The following SAMD12 variants were observed in gnomAD, a reference collection of about 807,000 sequenced individuals.
The protein encoded by SAMD12 is sterile alpha motif domain containing 12.
SAMD12 carries 9 observed loss-of-function variants against 15.0 expected under a neutral mutation model. The ratio of observed to expected loss-of-function variants is 0.60; its 90% CI spans 0.36 to 1.05. The LOEUF is 1.05. Ranked by LOEUF, SAMD12 falls within the 50% of genes least tolerant of loss-of-function variation. The pLI is 0.01. For synonymous variants in SAMD12, 86 were observed against 90.1 expected (o/e 0.96, Z 0.25); for missense variants, 230 against 234.2 (o/e 0.98, Z 0.12).
At chr8:118,468,420 T>C (rs1403642237) in intron 2 of SAMD12, among the ~76,000 whole-genome samples, 1 of 152,160 alleles carries the variant, frequency 6.6e-6, no homozygotes, top group Admixed American at 6.5e-5. Flanking sequence ...ACCCTGCTAT[T>C]ATTGCCATTG....
At chr8:118,285,314 C>T (rs1813921200) in intron 4 of SAMD12, among the ~76,000 whole-genome samples, 1 of 151,956 alleles carries the variant, frequency 6.6e-6, no homozygotes, top group African/African-American at 2.4e-5. Context: ...CCAATAGTCC[C>T]TATGTTATAG....
At chr8:118,163,309 G>A in the SAMD12 span, among the ~76,000 whole-genome samples, 620 of 152,162 alleles carry the variant, frequency 4.1e-3, 4 homozygotes, top group African/African-American at 0.014. Flanking sequence ...CAAAATCCTG[G>A]GCTCAAGCAA....
In SAMD12 at chr8:118,366,886, A is replaced by AAATAAAATAAAATAAAAT. The variant is rs1818823742; in HGVS notation, c.433+12656_433+12673dup. Among the ~76,000 whole-genome samples, 16 of 39,616 alleles carry AAATAAAATAAAATAAAAT rather than the reference A, an allele frequency of 4.0e-4. No individual in the cohort carries two copies. In the South Asian group the frequency reaches 4.4e-3, roughly 11 times the overall value. 26.0% of individuals were successfully genotyped at this position (39,616 alleles called of 152,430 possible). On this transcript the variant is annotated intron_variant, in intron 4 of 4. Coordinates refer to the SAMD12 transcript ENST00000409003. ...TAAAATAAAATAAAATAAAATAATA[A>AAATAAAATAAAATAAAAT]AATAAAATAAAATAAAATAAAATAA...
At chr8:118,435,016 T>C (rs1822537357) in intron 3 of SAMD12, among the ~76,000 whole-genome samples, 1 of 33,762 alleles carries the variant, frequency 3.0e-5, no homozygotes, top group Non-Finnish European at 8.5e-5. Flanking sequence ...GGCAGGAGAA[T>C]GGCGTGAACC....
At chr8:118,301,190 A>G (rs60268410) in intron 4 of SAMD12, among the ~76,000 whole-genome samples, 9,118 of 152,270 alleles carry the variant, frequency 0.06, 815 homozygotes, top group African/African-American at 0.19. Context: ...TTGAAAATGC[A>G]AAGAGCAAAA....
intron 1 of SAMD12, among the ~76,000 whole-genome samples, chr8:118,605,466 T>A (rs1473645786): frequency 6.6e-6 from 1 of 152,192 alleles, no homozygotes; most frequent in Non-Finnish European, 1.5e-5. Context: ...TTGGGGTAAC[T>A]ATGGGGTATG....
chr8:118,548,598 A>G (rs1381757646), intron 2 of SAMD12, among the ~76,000 whole-genome samples: 1 of 152,226 alleles, frequency 6.6e-6, no homozygotes, highest in African/African-American at 2.4e-5. Flanking sequence ...AGCGTGAGCG[A>G]CGCAGAAGAC....
chr8:118,568,702 T>G (rs1024700045), intron 2 of SAMD12, among the ~76,000 whole-genome samples: 6 of 152,180 alleles, frequency 3.9e-5, no homozygotes, highest in African/African-American at 1.4e-4. Context: ...AGATGGCAAG[T>G]CCAGGAGTTA....
chr8:118,478,047 C>T (rs1424217675), intron 2 of SAMD12, among the ~76,000 whole-genome samples: 1 of 149,030 alleles, frequency 6.7e-6, no homozygotes, highest in African/African-American at 2.5e-5. Flanking sequence ...TATATATATT[C>T]AATAATATTG....
chr8:118,360,459 C>T (rs1818437344), intron 4 of SAMD12, among the ~76,000 whole-genome samples: 1 of 151,706 alleles, frequency 6.6e-6, no homozygotes, highest in Admixed American at 6.6e-5. Context: ...TCACTGTTTA[C>T]ATTGTTGGAA....
chr8:118,413,067 AG>A (rs1821492357), intron 3 of SAMD12, among the ~76,000 whole-genome samples: 1 of 152,136 alleles, frequency 6.6e-6, no homozygotes, highest in Non-Finnish European at 1.5e-5. Flanking sequence ...AGCAAAGCAG[AG>A]GACCCCAATT....
chr8:118,476,438 G>A (rs1823962268), intron 2 of SAMD12, among the ~76,000 whole-genome samples: 1 of 152,126 alleles, frequency 6.6e-6, no homozygotes, highest in Non-Finnish European at 1.5e-5. Context: ...CTGTCCTTTG[G>A]TGCCTGAAAT....
chr8:118,308,606 T>C (rs1295310622), intron 4 of SAMD12, among the ~76,000 whole-genome samples: 1 of 152,162 alleles, frequency 6.6e-6, no homozygotes, highest in African/African-American at 2.4e-5. Flanking sequence ...AATGTGTGAG[T>C]AAAATTCTTG....
intron 2 of SAMD12, among the ~76,000 whole-genome samples, chr8:118,505,694 A>G (rs904763888): frequency 3.3e-5 from 5 of 151,714 alleles, no homozygotes; most frequent in Non-Finnish European, 5.9e-5. Context: ...TGGGCTTCAT[A>G]TCTCGTAAGA....
At chr8:118,266,488 C>A (rs1813202588) in intron 4 of SAMD12, among the ~76,000 whole-genome samples, 1 of 152,100 alleles carries the variant, frequency 6.6e-6, no homozygotes, top group Non-Finnish European at 1.5e-5. Flanking sequence ...CACTTCTGGG[C>A]ATATATTCAA....
chr8:118,419,862 G>C (rs1455403266), intron 3 of SAMD12, among the ~76,000 whole-genome samples: 4 of 152,132 alleles, frequency 2.6e-5, no homozygotes, highest in African/African-American at 9.7e-5. Flanking sequence ...TTTTGAAACT[G>C]CTCCCTTGGA....
intron 1 of SAMD12, among the ~76,000 whole-genome samples, chr8:118,602,454 A>C (rs1026403079): frequency 1.3e-5 from 2 of 152,232 alleles, no homozygotes; most frequent in Non-Finnish European, 2.9e-5. Flanking sequence ...ATCCCTGATT[A>C]AAGGAATCAT....
chr8:118,557,092 C>A (rs890295437), intron 2 of SAMD12, among the ~76,000 whole-genome samples: 1 of 152,156 alleles, frequency 6.6e-6, no homozygotes, highest in African/African-American at 2.4e-5. Flanking sequence ...CATCCCCACC[C>A]AAATCTCATC....
At chr8:118,333,646 T>C (rs1433720580) in intron 4 of SAMD12, among the ~76,000 whole-genome samples, 1 of 151,996 alleles carries the variant, frequency 6.6e-6, no homozygotes, top group Non-Finnish European at 1.5e-5. Context: ...AGGACTTGAC[T>C]TATAGTAAAG....
Sources: allele counts gnomAD v4.1 joint callset (sites outside exome capture counted in the v4.1 genomes callset), GRCh38; gene constraint gnomAD v4.1.1; transcripts MANE v1.5; gene names NCBI Gene and HGNC (gene_info 2026-07-23, HGNC 2026-07-21).